TCF7L1: variants seen among roughly 807,000 people sequenced by gnomAD.
TCF7L1 encodes transcription factor 7-like 1.
TCF7L1 carries 18 observed loss-of-function variants against 63.7 expected under a neutral mutation model. The observed-to-expected ratio is 0.28, with a 90% CI of 0.20 to 0.42. The LOEUF (loss-of-function observed/expected upper bound fraction) is 0.42, where lower values mean the gene tolerates loss of function less well. Ranked by LOEUF, TCF7L1 falls within the 10% of genes least tolerant of loss-of-function variation. The pLI is 1.00. For synonymous variants in TCF7L1, 355 were observed against 340.9 expected, an observed-to-expected ratio of 1.04 and a Z score of -0.46; for missense variants, 654 against 779.3, an observed-to-expected ratio of 0.84 and a Z score of 1.91.
chr2:85,273,854 G>A (rs1015531707), intron 3 of TCF7L1, among the ~76,000 whole-genome samples: 1 of 152,146 alleles, frequency 6.6e-6, no homozygotes, highest in African/African-American at 2.4e-5. Flanking sequence ...TGGAGTGGGG[G>A]CAGAGTGGCG....
At chr2:85,305,029 C>T (rs1682074842) in intron 7 of TCF7L1, among the ~76,000 whole-genome samples, 1 of 152,170 alleles carries the variant, frequency 6.6e-6, no homozygotes, top group African/African-American at 2.4e-5. Context: ...TTTCATCCCA[C>T]CTGCTTCCAG....
In TCF7L1 at chr2:85,163,529, G is replaced by A. The variant is rs149519934; in HGVS notation, c.441+29079G>A. Reference sequence around the variant, plus strand: ...CGATCAGTGGGCAAACATAAAGGATGTGATAAGCTCCAAAGTAAGATTTCC... The same window carrying A: ...CGATCAGTGGGCAAACATAAAGGATATGATAAGCTCCAAAGTAAGATTTCC... On this transcript the variant is annotated intron_variant, in intron 3 of 11. Transcript: ENST00000282111. Among the ~76,000 whole-genome samples the A allele has an allele frequency of 9.5e-4, 145 of 152,346 alleles. 4 individuals carry two copies. In the East Asian group the frequency reaches 0.024, roughly 25 times the overall value.
chr2:85,133,900 G>A lies in TCF7L1; in HGVS notation c.216G>A (p.Glu72=), dbSNP rs1677521458. ...LDEVKSSLVN[E]SENQSSSSDS... ...AGGTCAAGTCGTCCCTGGTCAACGA[G>A]TCGGAGAACCAGAGCAGCAGCTCGG... Residue 72 remains glutamate, a synonymous_variant, in exon 1 of 12, where the codon GAG becomes GAA. Transcript: ENST00000282111. This position sits in a 1 kb window ranked among gnomAD's most constrained non-coding sequence, Gnocchi z 4.4. 4 of 1,523,958 alleles carry A rather than the reference G, an allele frequency of 2.6e-6. No homozygotes were observed. Among genetic ancestry groups the A allele is most frequent in the East Asian group, 2.5e-5 (1 of 40,486 alleles). The allele number at this position is 1,523,958 out of a possible 1,614,324, so 94.4% of individuals were successfully genotyped here. A position where few individuals can be genotyped will look rare whatever the true frequency, so the allele number is the denominator to read the frequency against.
chr2:85,235,980 G>A (rs932309517), intron 3 of TCF7L1, among the ~76,000 whole-genome samples: 10 of 152,048 alleles, frequency 6.6e-5, no homozygotes, highest in African/African-American at 1.9e-4. Context: ...GCAATATAGT[G>A]AGACCTCGCC....
intron 4 of TCF7L1, among the ~76,000 whole-genome samples, chr2:85,301,781 T>C (rs1008587653): frequency 1.3e-5 from 2 of 152,212 alleles, no homozygotes; most frequent in Non-Finnish European, 2.9e-5. Flanking sequence ...AGTCCCAGAC[T>C]TGAACCTGAG....
Position 85,309,290 on chromosome 2 carries a change from C to T in TCF7L1, c.1595C>T (p.Ser532Phe). The T allele has an allele frequency of 6.2e-7, 1 of 1,613,680 alleles. No individual in the cohort carries two copies. Among genetic ancestry groups the T allele is most frequent in the East Asian group, 2.2e-5 (1 of 44,882 alleles). Residue 532 changes from serine (S) to phenylalanine (F), a missense_variant, in exon 12 of 12, where the codon TCT becomes TTT. Physicochemically the swap from Ser to Phe is radical, Grantham distance 155 (BLOSUM62 -2). This residue lies in a region of TCF7L1 where 184 missense variants were observed against 204.0 expected (regional missense o/e 0.90). Transcript: ENST00000282111. The stretch of plus-strand genomic sequence containing the variant: ...TCGGCTAAGGCTGCAGCCTCCTCCT[C>T]TGGGCAGATGGGCAGCCAGCCTCCC... Reference protein sequence around the residue: ...FLSAKAAASSSGQMGSQPPLL... With the variant: ...FLSAKAAASSFGQMGSQPPLL...
At position 85,309,389 on chromosome 2, in the gene TCF7L1, C is replaced by T. The variant is rs756969067; in HGVS notation, c.1694C>T (p.Thr565Met). 16 of 1,598,164 alleles carry T rather than the reference C, an allele frequency of 1.0e-5. No individual in the cohort carries two copies. Among genetic ancestry groups the T allele is most frequent in the Admixed American group, 1.7e-5 (1 of 58,998 alleles). The change falls in exon 12 of 12, where the codon ACG (threonine) becomes ATG (methionine). Residue 565 changes from threonine to methionine, a missense_variant. Physicochemically the swap from Thr to Met is moderately conservative, Grantham distance 81. This residue lies in a region of TCF7L1 where 184 missense variants were observed against 204.0 expected (regional missense o/e 0.90). Transcript: ENST00000282111. ...GCCTCTCCCCCGTCCTTCCCCGCCA[C>T]GCTCCATGCCCACCAGGCCCTCCCG... ...LLASPPSFPA[T>M]LHAHQALPVL... is the part of the protein sequence containing the mutation.
intron 3 of TCF7L1, among the ~76,000 whole-genome samples, chr2:85,164,803 G>A (rs537659175): frequency 4.3e-4 from 65 of 152,140 alleles, no homozygotes; most frequent in Non-Finnish European, 7.8e-4. Flanking sequence ...TGTATTTATA[G>A]GTACATGAAA....
rs146260200 is a variant in TCF7L1 at position 85,275,093 on chromosome 2, C to G, written c.442-8402C>G. Among the ~76,000 whole-genome samples, 27 of 152,378 alleles carry G rather than the reference C, an allele frequency of 1.8e-4. No individual in the cohort carries two copies. In the East Asian group the frequency reaches 5.2e-3, roughly 29 times the overall value. On this transcript the variant is annotated intron_variant, in intron 3 of 11. Coordinates refer to ENST00000282111, the MANE Select transcript of TCF7L1 (RefSeq NM_031283.3). ...CTGATTCCGTATTTGTTGAACACCTCAACACGGTCGGCACTCCCAGTGCCC... is the reference window on the plus strand; with the variant it reads ...CTGATTCCGTATTTGTTGAACACCTGAACACGGTCGGCACTCCCAGTGCCC...
intron 3 of TCF7L1, among the ~76,000 whole-genome samples, chr2:85,179,527 T>C (rs1038720520): frequency 2.6e-5 from 4 of 152,134 alleles, no homozygotes; most frequent in Non-Finnish European, 4.4e-5. Context: ...ATCTTCCCCC[T>C]CCAAAACCTA....
intron 3 of TCF7L1, among the ~76,000 whole-genome samples, chr2:85,250,962 C>A (rs960697463): frequency 6.6e-5 from 10 of 152,056 alleles, no homozygotes; most frequent in Non-Finnish European, 1.3e-4. Flanking sequence ...TCAGACTGAG[C>A]AGCAAAAAGG....
At chr2:85,236,925 G>T (rs1184082557) in intron 3 of TCF7L1, among the ~76,000 whole-genome samples, 1 of 152,142 alleles carries the variant, frequency 6.6e-6, no homozygotes, top group East Asian at 1.9e-4. Context: ...CGGGGCGAGG[G>T]CATCAGCTCT....
chr2:85,140,000 A>G (rs1677685555), intron 3 of TCF7L1, among the ~76,000 whole-genome samples: 2 of 152,226 alleles, frequency 1.3e-5, no homozygotes, highest in South Asian at 2.1e-4. Context: ...CACAGGAGTC[A>G]GGGGTGAGGT....
intron 3 of TCF7L1, among the ~76,000 whole-genome samples, chr2:85,149,109 A>G (rs571151720): frequency 7.4e-4 from 112 of 152,220 alleles, no homozygotes; most frequent in Non-Finnish European, 1.4e-3. Flanking sequence ...AAATGACTAA[A>G]TGGAGTCAGG....
intron 3 of TCF7L1, among the ~76,000 whole-genome samples, chr2:85,165,435 A>G (rs1028212180): frequency 6.6e-6 from 1 of 152,218 alleles, no homozygotes; most frequent in Non-Finnish European, 1.5e-5. Context: ...GTCCCTGGCC[A>G]GTCAGTCTCA....
intron 4 of TCF7L1, among the ~76,000 whole-genome samples, chr2:85,286,221 G>T (rs1681545801): frequency 6.6e-6 from 1 of 151,452 alleles, no homozygotes. Context: ...TCGGCGTGGT[G>T]GTACGCGCCT....
At chr2:85,280,695 G>T (rs565756719) in intron 3 of TCF7L1, among the ~76,000 whole-genome samples, 1 of 152,186 alleles carries the variant, frequency 6.6e-6, no homozygotes, top group Non-Finnish European at 1.5e-5. Flanking sequence ...TCAAGTTGTT[G>T]CTTCTAGAAA....
At chr2:85,205,841 T>C (rs1679396092) in intron 3 of TCF7L1, among the ~76,000 whole-genome samples, 1 of 152,232 alleles carries the variant, frequency 6.6e-6, no homozygotes, top group Admixed American at 6.5e-5. Context: ...TTATTCTAGC[T>C]GCTCAAGCAG....
In TCF7L1 at chr2:85,218,035, C is replaced by T. The variant is rs1027952878; in HGVS notation, c.442-65460C>T. On this transcript the variant is annotated intron_variant, in intron 3 of 11. Coordinates refer to ENST00000282111, the MANE Select transcript of TCF7L1 (RefSeq NM_031283.3). ...TCCTTGGAATCAAAAATCATGTCCT[C>T]TTCTCCCGTGCCTAGAAGAATGCCC... Among the ~76,000 whole-genome samples the T allele has an allele frequency of 2.6e-5, 4 of 152,230 alleles. No individual in the cohort carries two copies. The South Asian group carries it at 6.2e-4, about 24-fold the overall frequency.
Sources: allele counts gnomAD v4.1 joint callset (sites outside exome capture counted in the v4.1 genomes callset), GRCh38; gene constraint gnomAD v4.1.1; regional missense constraint gnomAD v4.1.1; non-coding constraint Gnocchi (gnomAD v3.1); transcripts MANE v1.5; gene names NCBI Gene and HGNC (gene_info 2026-07-23, HGNC 2026-07-21).